Variants in TRIM44 observed in about 807,000 individuals in gnomAD.
TRIM44 encodes the protein tripartite motif containing 44.
A neutral mutation model predicts 37.4 loss-of-function variants in TRIM44; 13 were observed. That is an observed-to-expected ratio of 0.35 (90% CI 0.23 to 0.55). TRIM44 has a LOEUF of 0.55. Among genes scored for constraint, TRIM44 ranks in the 20% least tolerant of loss-of-function variants. The pLI, the probability that TRIM44 is intolerant of heterozygous loss-of-function variation, is 0.89. For synonymous variants in TRIM44, 175 were observed against 157.2 expected, an observed-to-expected ratio of 1.11 and a Z score of -0.85; for missense variants, 426 against 437.2, an observed-to-expected ratio of 0.97 and a Z score of 0.23.
At chr11:35,711,146 C>T (rs1851965785) in intron 2 of TRIM44, among the ~76,000 whole-genome samples, 1 of 152,074 alleles carries the variant, frequency 6.6e-6, no homozygotes, top group African/African-American at 2.4e-5. Context: ...TGGGAATATA[C>T]TACAAACCAC....
rs181775463 is a variant in TRIM44, at chr11:35,763,770, G to A, written c.1007+28325G>A. On this transcript the variant is annotated intron_variant, in intron 4 of 4. Coordinates refer to ENST00000299413, the MANE Select transcript of TRIM44 (RefSeq NM_017583.6). ...GTGCCTTTCCTTTTTGCCTTTGCTC[G>A]TAGCCTTCGCTTTCTCCTTGGCTTG... 2.0e-3 allele frequency among the ~76,000 whole-genome samples: 312 copies of A among 152,226 alleles called. 1 individual carries two copies. The highest frequency in any genetic ancestry group is 7.1e-3 in the African/African-American group (293 of 41,534).
rs369960429 is a variant in TRIM44 at position 35,702,949 on chromosome 11, C to T, written c.747+17613C>T. 2.7e-3 allele frequency among the ~76,000 whole-genome samples: 411 copies of T among 152,282 alleles called. 2 individuals are homozygous for T. Among genetic ancestry groups the T allele is most frequent in the East Asian group, 0.026 (135 of 5,166 alleles). On this transcript the variant is annotated intron_variant, in intron 2 of 4. Transcript: ENST00000299413. ...GCACCATGCACGAGCCGAAGCAGGG[C>T]GAGGCATTGCCTCACTTGGGAAGCG...
At chr11:35,715,507 A>G (rs1852029829) in intron 2 of TRIM44, among the ~76,000 whole-genome samples, 1 of 151,892 alleles carries the variant, frequency 6.6e-6, no homozygotes, top group Non-Finnish European at 1.5e-5. Flanking sequence ...AGGGAAGGCA[A>G]TTCAGAAGAA....
At chr11:35,725,066 T>TCTCACACACACA (rs371948145) in intron 2 of TRIM44, among the ~76,000 whole-genome samples, 8 of 141,164 alleles carry the variant, frequency 5.7e-5, no homozygotes, top group African/African-American at 2.2e-4. Flanking sequence ...ATGCACACAC[T>TCTCACACACACA]CACACACACA....
At chr11:35,764,811 G>T (rs1354556277) in intron 4 of TRIM44, among the ~76,000 whole-genome samples, 2 of 151,946 alleles carry the variant, frequency 1.3e-5, no homozygotes, top group African/African-American at 4.8e-5. Context: ...TTTATATCCT[G>T]GCATTTTAAC....
At chr11:35,786,349 T>C (rs546027137) in intron 4 of TRIM44, among the ~76,000 whole-genome samples, 5 of 152,316 alleles carry the variant, frequency 3.3e-5, no homozygotes, top group African/African-American at 9.6e-5. Flanking sequence ...TTTTAGATGG[T>C]TATTGACAAC....
rs896073130 is a variant in TRIM44 at position 35,815,848 on chromosome 11, T to A, written c.*9463T>A. 6.6e-6 allele frequency: 1 copy of A among 152,222 alleles called. No homozygotes were observed. The highest frequency in any genetic ancestry group is 1.5e-5 in the Non-Finnish European group (1 of 68,042). 9.4% of individuals were successfully genotyped at this position (152,222 alleles called of 1,614,324 possible). A position where few individuals can be genotyped will look rare whatever the true frequency, so the allele number is the denominator to read the frequency against. On this transcript the variant is annotated 3_prime_UTR_variant, in exon 5 of 5. Coordinates refer to ENST00000299413, the MANE Select transcript of TRIM44 (RefSeq NM_017583.6). ...AATGAGAAAATCCATCTGGAGTGTTTATGCCCCTCTGAATAGCCAAGTCAT... is the reference window on the plus strand; with the variant it reads ...AATGAGAAAATCCATCTGGAGTGTTAATGCCCCTCTGAATAGCCAAGTCAT...
intron 3 of TRIM44, among the ~76,000 whole-genome samples, chr11:35,730,239 T>C (rs1297904636): frequency 6.6e-6 from 1 of 152,184 alleles, no homozygotes; most frequent in African/African-American, 2.4e-5. Context: ...ATGGGCTTAA[T>C]GGCAAACCGA....
At chr11:35,717,771 TC>T (rs1852055989) in intron 2 of TRIM44, among the ~76,000 whole-genome samples, 1 of 151,664 alleles carries the variant, frequency 6.6e-6, no homozygotes, top group African/African-American at 2.4e-5. Flanking sequence ...CAAATGTCAG[TC>T]AGTCATACCA....
At chr11:35,747,286 A>G (rs925703591) in intron 4 of TRIM44, among the ~76,000 whole-genome samples, 1 of 152,228 alleles carries the variant, frequency 6.6e-6, no homozygotes, top group Non-Finnish European at 1.5e-5. Context: ...CTAGATCTAC[A>G]TATATAATTT....
intron 4 of TRIM44, among the ~76,000 whole-genome samples, chr11:35,768,150 TAGCCCAAAGAGA>T (rs1302402143): frequency 6.6e-6 from 1 of 152,196 alleles, no homozygotes; most frequent in Non-Finnish European, 1.5e-5. Context: ...TGATTGTGGG[TAGCCCAAAGAGA>T]ATGTTTAACT....
rs1851287725 is a variant in TRIM44 at position 35,663,026 on chromosome 11, CG to C, written c.-82del. 1 of 1,436,104 alleles carries C rather than the reference CG, an allele frequency of 7.0e-7. No individual in the cohort carries two copies. The highest frequency in any genetic ancestry group is 1.4e-5 in the African/African-American group (1 of 69,918). 89.0% of individuals were successfully genotyped at this position (1,436,104 alleles called of 1,614,324 possible). On this transcript the variant is annotated 5_prime_UTR_variant, in exon 1 of 5. Coordinates refer to ENST00000299413, the MANE Select transcript of TRIM44 (RefSeq NM_017583.6). Reference sequence around the variant, plus strand: ...GGAGGCGACTCCCTAGGAAGGGACCCGGGGCGGGAGGAGGAAGTGAGGCCGC... The same window carrying C: ...GGAGGCGACTCCCTAGGAAGGGACCCGGGCGGGAGGAGGAAGTGAGGCCGC...
intron 2 of TRIM44, among the ~76,000 whole-genome samples, chr11:35,716,561 C>T (rs530595081): frequency 3.0e-4 from 46 of 152,184 alleles, no homozygotes; most frequent in Non-Finnish European, 5.6e-4. Context: ...AGCCTCTGAC[C>T]TTCAGTCAGA....
In TRIM44 at chr11:35,810,558, C is replaced by T. The variant is rs995123526; in HGVS notation, c.*4173C>T. On this transcript the variant is annotated 3_prime_UTR_variant, in exon 5 of 5. Transcript: ENST00000299413. Reference sequence around the variant, plus strand: ...GCAGTTCTTGATTCTGGAGGCCTGCCTGGTAAGATAAGATAGTATAATTTG... The same window carrying T: ...GCAGTTCTTGATTCTGGAGGCCTGCTTGGTAAGATAAGATAGTATAATTTG... 16 of 152,168 alleles carry T rather than the reference C, an allele frequency of 1.1e-4. No individual in the cohort carries two copies. The highest frequency in any genetic ancestry group is 3.4e-4 in the African/African-American group (14 of 41,512). The allele number at this position is 152,168 out of a possible 1,614,324, so 9.4% of individuals were successfully genotyped here.
intron 4 of TRIM44, among the ~76,000 whole-genome samples, chr11:35,755,675 T>C (rs1478449087): frequency 6.6e-6 from 1 of 152,196 alleles, no homozygotes; most frequent in Non-Finnish European, 1.5e-5. Context: ...TTGAATTAAT[T>C]TTTGTATAAG....
intron 4 of TRIM44, among the ~76,000 whole-genome samples, chr11:35,776,788 G>T (rs1413954256): frequency 5.9e-5 from 9 of 152,212 alleles, no homozygotes; most frequent in Admixed American, 4.6e-4. Context: ...TTAATCCTGA[G>T]TTCTAGTTTG....
At chr11:35,715,936 T>C (rs1008000678) in intron 2 of TRIM44, among the ~76,000 whole-genome samples, 8 of 152,120 alleles carry the variant, frequency 5.3e-5, no homozygotes, top group Non-Finnish European at 8.8e-5. Context: ...GGGATGGTGG[T>C]AAATCACTCA....
chr11:35,697,459 A>G (rs1285980082), intron 2 of TRIM44, among the ~76,000 whole-genome samples: 2 of 127,318 alleles, frequency 1.6e-5, no homozygotes, highest in Admixed American at 1.6e-4. Context: ...TTTTTTTTTT[A>G]ATTTTATTAT....
At position 35,768,703 on chromosome 11, in the gene TRIM44, C is replaced by T. The variant is rs145075872; in HGVS notation, c.1007+33258C>T. Among the ~76,000 whole-genome samples, 484 of 152,264 alleles carry T rather than the reference C, an allele frequency of 3.2e-3. 3 individuals are homozygous for T. Among genetic ancestry groups the T allele is most frequent in the South Asian group, 0.019 (94 of 4,824 alleles). ...GTTAACTGTTTTTCTCCCATGGTGA[C>T]CTAGTTTGTCAGTTATTGATGTATG... On this transcript the variant is annotated intron_variant, in intron 4 of 4. Transcript: ENST00000299413.
Sources: allele counts gnomAD v4.1 joint callset (sites outside exome capture counted in the v4.1 genomes callset), GRCh38; gene constraint gnomAD v4.1.1; transcripts MANE v1.5; gene names NCBI Gene and HGNC (gene_info 2026-07-23, HGNC 2026-07-21).